Variants in YTHDF3 observed in about 807,000 individuals in gnomAD.
The protein encoded by YTHDF3 is YTH domain-containing family protein 3.
YTHDF3 carries 9 observed loss-of-function variants against 52.5 expected under a neutral mutation model. That is an observed-to-expected ratio of 0.17 (90% CI 0.10 to 0.30). YTHDF3 has a LOEUF of 0.30. Ranked by LOEUF, YTHDF3 falls within the 10% of genes least tolerant of loss-of-function variation. The pLI is 1.00. For missense variants in YTHDF3, 534 were observed against 715.0 expected (o/e 0.75, Z 2.89); for synonymous variants, 274 against 243.3 (o/e 1.13, Z -1.18).
intron 3 of YTHDF3, among the ~76,000 whole-genome samples, chr8:63,179,675 C>A (rs930033906): frequency 6.6e-6 from 1 of 152,250 alleles, no homozygotes. Context: ...ACCCCTCCCC[C>A]CTTTCTATTC....
intron 4 of YTHDF3, among the ~76,000 whole-genome samples, chr8:63,207,036 T>A (rs140350968): frequency 6.6e-6 from 1 of 152,318 alleles, no homozygotes; most frequent in Non-Finnish European, 1.5e-5. Context: ...TCAATCTGTA[T>A]TTTTGCTAAT....
chr8:63,204,582 G>A (rs1262574722), intron 4 of YTHDF3, among the ~76,000 whole-genome samples: 3 of 152,126 alleles, frequency 2.0e-5, no homozygotes, highest in Non-Finnish European at 2.9e-5. Flanking sequence ...GGATGGTCTC[G>A]AACTCCTCAC....
At chr8:63,172,609 T>A in intron 2 of YTHDF3, 2 of 405,204 alleles carry the variant, frequency 4.9e-6, no homozygotes, top group Non-Finnish European at 8.6e-6. Flanking sequence ...ACAACATCCT[T>A]GTAAGGAGAT....
intron 3 of YTHDF3, among the ~76,000 whole-genome samples, chr8:63,185,115 C>A (rs929072443): frequency 2.0e-5 from 3 of 151,492 alleles, no homozygotes; most frequent in Non-Finnish European, 2.9e-5. Flanking sequence ...GAGTGAGACC[C>A]TGTTTCAAAA....
At chr8:63,194,000 A>G (rs1027376718) in intron 4 of YTHDF3, among the ~76,000 whole-genome samples, 1 of 152,146 alleles carries the variant, frequency 6.6e-6, no homozygotes, top group Non-Finnish European at 1.5e-5. Context: ...ACTTTCATGT[A>G]TAAGAATGTT....
rs1354039420 is a variant in YTHDF3, at chr8:63,173,601, G to T, written c.50-1730G>T. 33 of 974,026 alleles carry T rather than the reference G, an allele frequency of 3.4e-5. No individual in the cohort carries two copies. The Admixed American group carries it at 1.8e-3, about 53-fold the overall frequency. 60.3% of individuals were successfully genotyped at this position (974,026 alleles called of 1,614,324 possible). On this transcript the variant is annotated intron_variant, in intron 2 of 4. Transcript: ENST00000539294. ...TAACATGTATGAGTGTAATAGTGAA[G>T]AATTTTTTTTCAAGAAGTAATAGAC...
chr8:63,205,334 C>G (rs1324992516), intron 4 of YTHDF3, among the ~76,000 whole-genome samples: 1 of 152,060 alleles, frequency 6.6e-6, no homozygotes, highest in South Asian at 2.1e-4. Flanking sequence ...AACAACATAC[C>G]AGTACATGTA....
At chr8:63,197,164 G>C (rs1809293728) in intron 4 of YTHDF3, among the ~76,000 whole-genome samples, 1 of 152,196 alleles carries the variant, frequency 6.6e-6, no homozygotes, top group Admixed American at 6.5e-5. Flanking sequence ...GATAACCGCT[G>C]AAAGAGCAGG....
At chr8:63,197,672 A>G (rs1353422557) in intron 4 of YTHDF3, among the ~76,000 whole-genome samples, 5 of 152,336 alleles carry the variant, frequency 3.3e-5, no homozygotes, top group African/African-American at 4.8e-5. Context: ...CTCATGTACA[A>G]TGGGAATCGA....
In YTHDF3 at chr8:63,168,660, C is replaced by T; in HGVS notation, c.-218C>T. On this transcript the variant is annotated 5_prime_UTR_variant, in exon 1 of 5. Transcript: ENST00000539294. ...TGTCCGCCATTGTGGACCCGAGAAG[C>T]AGAGAGCGAGAGGGGGAAGAGGAGC... is the stretch of plus-strand genomic sequence containing the variant. The T allele has an allele frequency of 1.2e-6, 1 of 818,596 alleles. No homozygotes were observed. Among genetic ancestry groups the T allele is most frequent in the Non-Finnish European group, 1.9e-6 (1 of 524,402 alleles). The allele number at this position is 818,596 out of a possible 1,614,324, so 50.7% of individuals were successfully genotyped here.
chr8:63,195,761 T>A (rs1189006836), intron 4 of YTHDF3, among the ~76,000 whole-genome samples: 1 of 148,444 alleles, frequency 6.7e-6, no homozygotes, highest in African/African-American at 2.5e-5. Flanking sequence ...TGTGTGTGTG[T>A]GTGACCCTGG....
At chr8:63,208,533 G>C (rs1452140537) in intron 4 of YTHDF3, among the ~76,000 whole-genome samples, 1 of 152,202 alleles carries the variant, frequency 6.6e-6, no homozygotes, top group South Asian at 2.1e-4. Flanking sequence ...TAGAAATTCA[G>C]ATTCTTAGGT....
At chr8:63,179,398 A>T (rs540206723) in intron 3 of YTHDF3, among the ~76,000 whole-genome samples, 2 of 152,204 alleles carry the variant, frequency 1.3e-5, no homozygotes, top group South Asian at 4.1e-4. Flanking sequence ...TGGGTGCTTG[A>T]GATTAGGGAG....
intron 4 of YTHDF3, among the ~76,000 whole-genome samples, chr8:63,201,532 A>G (rs530211892): frequency 6.6e-6 from 1 of 152,166 alleles, no homozygotes; most frequent in Non-Finnish European, 1.5e-5. Context: ...AATTTACCAG[A>G]TGTTGAGTTA....
intron 4 of YTHDF3, among the ~76,000 whole-genome samples, chr8:63,205,465 G>C (rs1809966681): frequency 6.7e-6 from 1 of 149,190 alleles, no homozygotes; most frequent in South Asian, 2.1e-4. Flanking sequence ...ATGGGGTCTG[G>C]CTCTGTTGCC....
chr8:63,180,103 T>C (rs1808006440), intron 3 of YTHDF3, among the ~76,000 whole-genome samples: 1 of 143,334 alleles, frequency 7.0e-6, no homozygotes, highest in Non-Finnish European at 1.5e-5. Flanking sequence ...CCGGACGAGG[T>C]GGCTGCTGGG....
chr8:63,197,459 G>A (rs1188096496), intron 4 of YTHDF3, among the ~76,000 whole-genome samples: 1 of 152,140 alleles, frequency 6.6e-6, no homozygotes, highest in Non-Finnish European at 1.5e-5. Flanking sequence ...AATGGGAAGA[G>A]TTTAAGGAAG....
At chr8:63,203,157 C>A (rs1436435333) in intron 4 of YTHDF3, among the ~76,000 whole-genome samples, 1 of 151,526 alleles carries the variant, frequency 6.6e-6, no homozygotes, top group Non-Finnish European at 1.5e-5. Flanking sequence ...GCACGAGAAT[C>A]GCTTGAACCT....
At chr8:63,172,938 A>T in intron 2 of YTHDF3, 1 of 717,316 alleles carries the variant, frequency 1.4e-6, no homozygotes, top group Non-Finnish European at 1.9e-6. Flanking sequence ...AAAGTCTTTA[A>T]GATAGTTTTC....
Sources: allele counts gnomAD v4.1 joint callset (sites outside exome capture counted in the v4.1 genomes callset), GRCh38; gene constraint gnomAD v4.1.1; transcripts MANE v1.5; gene names NCBI Gene and HGNC (gene_info 2026-07-23, HGNC 2026-07-21).